TTC7B: variants seen among roughly 807,000 people sequenced by gnomAD.
TTC7B encodes the protein tetratricopeptide repeat domain 7B.
A neutral mutation model predicts 106.8 loss-of-function variants in TTC7B; 28 were observed. The ratio of observed to expected loss-of-function variants is 0.26; its 90% CI spans 0.19 to 0.36. The LOEUF (loss-of-function observed/expected upper bound fraction) is 0.36. Ranked by LOEUF, TTC7B falls within the 10% of genes least tolerant of loss-of-function variation. The pLI is 1.00. For synonymous variants in TTC7B, 405 were observed against 430.6 expected, an observed-to-expected ratio of 0.94 and a Z score of 0.74; for missense variants, 862 against 1,076.4, an observed-to-expected ratio of 0.80 and a Z score of 2.79.
intron 6 of TTC7B, among the ~76,000 whole-genome samples, chr14:90,691,418 G>A (rs1829967934): frequency 6.6e-6 from 1 of 152,058 alleles, no homozygotes; most frequent in African/African-American, 2.4e-5. Context: ...TATTAAGAAG[G>A]CCATTTGGTT....
chr14:90,689,800 A>G, intron 6 of TTC7B, 88 bp from the exon 7 acceptor site: 3 of 1,463,222 alleles, frequency 2.1e-6, no homozygotes, highest in Non-Finnish European at 1.8e-6. Flanking sequence ...TTATATCATC[A>G]CATTGTGCTA....
chr14:90,743,474 T>C (rs911781525), intron 4 of TTC7B, among the ~76,000 whole-genome samples: 3 of 152,094 alleles, frequency 2.0e-5, no homozygotes, highest in African/African-American at 7.2e-5. Flanking sequence ...GCCCAGAAAA[T>C]TGCTGGAAAA....
intron 15 of TTC7B, among the ~76,000 whole-genome samples, chr14:90,630,946 T>A (rs1490267562): frequency 2.0e-5 from 3 of 151,788 alleles, no homozygotes; most frequent in Non-Finnish European, 4.4e-5. Flanking sequence ...GCCATTCTCC[T>A]GCCTCAGCCT....
intron 9 of TTC7B, among the ~76,000 whole-genome samples, chr14:90,666,934 G>A (rs939140970): frequency 3.9e-5 from 6 of 152,196 alleles, no homozygotes; most frequent in African/African-American, 1.4e-4. Context: ...ATTGAGTAAG[G>A]GGTCTCCGGG....
In TTC7B at chr14:90,766,887, C is replaced by T; in HGVS notation, c.445+13851G>A. On this transcript the variant is annotated intron_variant, in intron 3 of 19. Coordinates refer to ENST00000328459, the MANE Select transcript of TTC7B (RefSeq NM_001010854.2). Reference sequence around the variant, plus strand: ...TGGAGCGACTGAAGAAGATTCGGGCCCATAGAGGGCTGTGCCACTCCTGGG... The same window carrying T: ...TGGAGCGACTGAAGAAGATTCGGGCTCATAGAGGGCTGTGCCACTCCTGGG... The T allele has an allele frequency of 1.9e-6, 3 of 1,590,410 alleles. No homozygotes were observed. In the South Asian group the frequency reaches 3.3e-5, roughly 18 times the overall value.
chr14:90,575,081 C>T lies in TTC7B; in HGVS notation c.2310+3025G>A, dbSNP rs962494833. Among the ~76,000 whole-genome samples the T allele has an allele frequency of 3.3e-5, 5 of 152,186 alleles. No homozygotes were observed. The highest frequency in any genetic ancestry group is 6.5e-5 in the Admixed American group (1 of 15,280). On this transcript the variant is annotated intron_variant, in intron 19 of 19. Transcript: ENST00000328459. This position sits in a 1 kb window ranked among gnomAD's most constrained non-coding sequence, Gnocchi z 5.2. ...TTCCGCCACTCTCCGCCACACAGGTCGGGGCCCTGCCTCCTCCCTGGGGCT... is the reference window on the plus strand; with the variant it reads ...TTCCGCCACTCTCCGCCACACAGGTTGGGGCCCTGCCTCCTCCCTGGGGCT...
chr14:90,604,122 A>G (rs146816253), intron 17 of TTC7B, among the ~76,000 whole-genome samples: 170 of 152,330 alleles, frequency 1.1e-3, no homozygotes, highest in African/African-American at 3.9e-3. Context: ...ACAAGATGCA[A>G]CATGAAAAAT....
chr14:90,717,263 C>T (rs368681374), intron 5 of TTC7B, among the ~76,000 whole-genome samples: 3 of 151,274 alleles, frequency 2.0e-5, no homozygotes, highest in African/African-American at 4.9e-5. Context: ...GGCGTGAACC[C>T]GGGAGGCGGA....
chr14:90,756,384 G>GTTTTTTTTT (rs369068692), intron 3 of TTC7B, among the ~76,000 whole-genome samples: 93 of 126,724 alleles, frequency 7.3e-4, no homozygotes, highest in Non-Finnish European at 1.1e-3. Flanking sequence ...TTTTTTTTTT[G>GTTTTTTTTT]TTTTTTTTTT....
intron 19 of TTC7B, among the ~76,000 whole-genome samples, chr14:90,561,244 T>G (rs995253010): frequency 2.6e-5 from 4 of 152,248 alleles, no homozygotes; most frequent in Non-Finnish European, 5.9e-5. Context: ...GCCGGCAGCT[T>G]CTGCTTCACT....
rs139526252 is a variant in TTC7B at position 90,777,869 on chromosome 14, G to A, written c.445+2869C>T. On this transcript the variant is annotated intron_variant, in intron 3 of 19. Coordinates refer to ENST00000328459, the MANE Select transcript of TTC7B (RefSeq NM_001010854.2). ...GCCCACCCAACACTCAGCTTCAGCTGACATTTACGTTGCGCTCACTATGTG... is the reference window on the plus strand; with the variant it reads ...GCCCACCCAACACTCAGCTTCAGCTAACATTTACGTTGCGCTCACTATGTG... Among the ~76,000 whole-genome samples the A allele has an allele frequency of 1.7e-3, 261 of 152,334 alleles. 3 individuals are homozygous for A. Among genetic ancestry groups the A allele is most frequent in the African/African-American group, 5.5e-3 (229 of 41,574 alleles).
rs1889342614 is a variant in TTC7B at position 90,533,759 on chromosome 14, G to A, written c.*7609C>T. The A allele has an allele frequency of 6.6e-6, 1 of 152,386 alleles. No homozygotes were observed. The allele number at this position is 152,386 out of a possible 1,614,324, so 9.4% of individuals were successfully genotyped here. ...AGATGAGGGAGACGAGGAGGGTGGT[G>A]GGGGCTGTGGGTGGCCCGGATGGTC... On this transcript the variant is annotated 3_prime_UTR_variant, in exon 20 of 20. Transcript: ENST00000328459.
chr14:90,765,962 C>T (rs1890661486), intron 3 of TTC7B, among the ~76,000 whole-genome samples: 2 of 152,168 alleles, frequency 1.3e-5, no homozygotes, highest in Non-Finnish European at 2.9e-5. Flanking sequence ...TTCTCTTTCT[C>T]CCTTTTGAGG....
In TTC7B at chr14:90,744,793, C is replaced by G; in HGVS notation, c.575G>C (p.Arg192Thr). The G allele has an allele frequency of 6.2e-7, 1 of 1,612,654 alleles. No individual in the cohort carries two copies. Among genetic ancestry groups the G allele is most frequent in the Non-Finnish European group, 8.5e-7 (1 of 1,179,690 alleles). The change falls in exon 4 of 20, where the codon AGG becomes ACG. Residue 192 changes from arginine (R) to threonine (T), a missense_variant and splice_region_variant. Arg to Thr is a moderately conservative substitution (Grantham distance 71). Transcript: ENST00000328459. ...AACAAACACGTGGTCCTCACTTACC[C>G]TTTCTATCTCTTGGAGATACAGGAG... The part of the protein sequence containing the change: ...IALLYLQEIE[R>T]VILSNIQNRS...
chr14:90,652,791 A>G (rs562351162), intron 13 of TTC7B, 50 bp downstream of exon 13: 23 of 1,582,638 alleles, frequency 1.5e-5, no homozygotes, highest in African/African-American at 9.4e-5. Flanking sequence ...TACTCATCAT[A>G]CTTTGGTGTC....
intron 15 of TTC7B, among the ~76,000 whole-genome samples, chr14:90,630,500 A>T (rs1884647729): frequency 1.3e-5 from 2 of 152,254 alleles, no homozygotes; most frequent in Non-Finnish European, 2.9e-5. Flanking sequence ...TACGTAACAT[A>T]AAATTTGCTA....
chr14:90,535,943 T>C lies in TTC7B; in HGVS notation c.*5425A>G, dbSNP rs1366757324. ...CTTCTGGTGAGGACGCCAATCCTACTGGGCCAGGGCCCCTCCTGATGACCT... is the reference window on the plus strand; with the variant it reads ...CTTCTGGTGAGGACGCCAATCCTACCGGGCCAGGGCCCCTCCTGATGACCT... On this transcript the variant is annotated 3_prime_UTR_variant, in exon 20 of 20. Coordinates refer to ENST00000328459, the MANE Select transcript of TTC7B (RefSeq NM_001010854.2). 2 of 152,584 alleles carry C rather than the reference T, an allele frequency of 1.3e-5. No homozygotes were observed. Among genetic ancestry groups the C allele is most frequent in the Admixed American group, 6.5e-5 (1 of 15,296 alleles). The allele number at this position is 152,584 out of a possible 1,614,324, so 9.5% of individuals were successfully genotyped here.
At chr14:90,639,947 AC>A (rs1233622107) in intron 15 of TTC7B, among the ~76,000 whole-genome samples, 1 of 152,196 alleles carries the variant, frequency 6.6e-6, no homozygotes. Context: ...TCCATTTTCT[AC>A]CAAAAGTTTA....
intron 1 of TTC7B, among the ~76,000 whole-genome samples, chr14:90,801,820 C>T (rs1362635640): frequency 6.0e-5 from 9 of 150,870 alleles, no homozygotes; most frequent in Admixed American, 5.9e-4. Flanking sequence ...CTTTGGGAGG[C>T]CAAGGGGAAG....
Sources: allele counts gnomAD v4.1 joint callset (sites outside exome capture counted in the v4.1 genomes callset), GRCh38; gene constraint gnomAD v4.1.1; non-coding constraint Gnocchi (gnomAD v3.1); transcripts MANE v1.5; gene names NCBI Gene and HGNC (gene_info 2026-07-23, HGNC 2026-07-21).